The following INIP variants were observed in gnomAD, a reference collection of about 807,000 sequenced individuals.
The protein encoded by INIP is SOSS complex subunit C.
A neutral mutation model predicts 14.0 loss-of-function variants in INIP; 9 were observed. The observed-to-expected ratio is 0.64, with a 90% CI of 0.39 to 1.12. The LOEUF (loss-of-function observed/expected upper bound fraction) is 1.12, where lower values mean the gene tolerates loss of function less well. INIP is among the 50% of genes most tolerant of loss of function. The pLI is 0.01. For missense variants in INIP, 78 were observed against 122.7 expected, an observed-to-expected ratio of 0.64 and a Z score of 1.72; for synonymous variants, 37 against 41.5, an observed-to-expected ratio of 0.89 and a Z score of 0.41.
intron 1 of INIP, among the ~76,000 whole-genome samples, chr9:112,717,034 G>A (rs1488367216): frequency 2.0e-5 from 3 of 151,960 alleles, no homozygotes; most frequent in African/African-American, 7.3e-5. Flanking sequence ...TGTAAACTCT[G>A]CTAGTGCCTC....
chr9:112,690,795 T>A (rs750494451), intron 3 of INIP, among the ~76,000 whole-genome samples: 1 of 152,214 alleles, frequency 6.6e-6, no homozygotes, highest in African/African-American at 2.4e-5. Flanking sequence ...CTCTTACAAA[T>A]GGGACACACC....
chr9:112,704,040 T>C (rs1838380228), intron 2 of INIP, among the ~76,000 whole-genome samples: 1 of 152,226 alleles, frequency 6.6e-6, no homozygotes, highest in South Asian at 2.1e-4. Context: ...GTTAAGTATA[T>C]GTCTATTTAT....
intron 2 of INIP, among the ~76,000 whole-genome samples, chr9:112,695,776 A>AGGAGGG (rs1349267687): frequency 8.9e-6 from 1 of 112,394 alleles, no homozygotes; most frequent in African/African-American, 3.5e-5. Flanking sequence ...AAGGGAGAGG[A>AGGAGGG]GGAGGGGGAG....
intron 2 of INIP, among the ~76,000 whole-genome samples, chr9:112,695,838 A>G: frequency 8.7e-6 from 1 of 114,606 alleles, no homozygotes; most frequent in South Asian, 2.5e-4. Context: ...GAAGGAGAAG[A>G]AGGAGAAGAA....
intron 2 of INIP, among the ~76,000 whole-genome samples, chr9:112,706,973 G>T (rs556582423): frequency 6.6e-6 from 1 of 151,930 alleles, no homozygotes; most frequent in South Asian, 2.1e-4. Flanking sequence ...GTGCAATGGC[G>T]TGATCTCGGC....
chr9:112,697,321 C>T (rs923128648), intron 2 of INIP, among the ~76,000 whole-genome samples: 2 of 152,168 alleles, frequency 1.3e-5, no homozygotes, highest in Non-Finnish European at 2.9e-5. Context: ...CTAGCCTGGG[C>T]AACTTAAAAC....
rs769656192 is a variant in INIP at position 112,718,037 on chromosome 9, A to C, written c.-107T>G. The C allele has an allele frequency of 6.6e-5, 10 of 152,548 alleles. No homozygotes were observed. Among genetic ancestry groups the C allele is most frequent in the Non-Finnish European group, 1.0e-4 (7 of 68,042 alleles). 9.4% of individuals were successfully genotyped at this position (152,548 alleles called of 1,614,324 possible). ...CCTCTCCTTACAATCGCTGCTCTTA[A>C]AGGGGGCGCGACCACTTAGGCAAGA... On this transcript the variant is annotated 5_prime_UTR_variant, in exon 1 of 5. Coordinates refer to ENST00000374242, the MANE Select transcript of INIP (RefSeq NM_021218.3).
At position 112,687,647 on chromosome 9, in the gene INIP, A is replaced by G; in HGVS notation, c.220-14T>C. The G allele has an allele frequency of 6.8e-7, 1 of 1,476,564 alleles. No homozygotes were observed. The highest frequency in any genetic ancestry group is 1.3e-5 in the South Asian group (1 of 75,428). The allele number at this position is 1,476,564 out of a possible 1,614,324, so 91.5% of individuals were successfully genotyped here. ...TGCATGAGCATGCTGGGAAAGATTA[A>G]AAACAAAAAGGCAATTAAGCTATTA... On this transcript the variant is annotated splice_polypyrimidine_tract_variant and intron_variant, in intron 4 of 4. Coordinates refer to ENST00000374242, the MANE Select transcript of INIP (RefSeq NM_021218.3).
chr9:112,700,281 T>C (rs1838244786), intron 2 of INIP, among the ~76,000 whole-genome samples: 1 of 152,064 alleles, frequency 6.6e-6, no homozygotes, highest in Admixed American at 6.6e-5. Context: ...GTTGAAACTG[T>C]GAACTATCTC....
At chr9:112,715,133 T>TACACACACACACAC (rs58647648) in intron 2 of INIP, among the ~76,000 whole-genome samples, 7 of 133,514 alleles carry the variant, frequency 5.2e-5, no homozygotes, top group South Asian at 5.4e-4. Flanking sequence ...CATACATACA[T>TACACACACACACAC]ACACACACAC....
chr9:112,710,564 G>T (rs1237335616), intron 2 of INIP, among the ~76,000 whole-genome samples: 3 of 152,044 alleles, frequency 2.0e-5, no homozygotes, highest in Non-Finnish European at 4.4e-5. Context: ...CACTACATTG[G>T]ACAGTATGAA....
intron 3 of INIP, chr9:112,693,929 G>A (rs1588074923): frequency 2.8e-6 from 1 of 353,150 alleles, no homozygotes; most frequent in East Asian, 6.5e-5. Flanking sequence ...ACAAAAATTT[G>A]CTGGGTGTCG....
intron 4 of INIP, among the ~76,000 whole-genome samples, chr9:112,688,368 T>C (rs1157454795): frequency 6.6e-6 from 1 of 150,490 alleles, no homozygotes; most frequent in Non-Finnish European, 1.5e-5. Flanking sequence ...GAAAGAAGGG[T>C]AGTAGTTGGA....
chr9:112,691,438 A>C (rs1837880926), intron 3 of INIP, among the ~76,000 whole-genome samples: 1 of 152,200 alleles, frequency 6.6e-6, no homozygotes, highest in Non-Finnish European at 1.5e-5. Flanking sequence ...TGTGGACATC[A>C]AAGTAGAGAC....
At chr9:112,703,131 T>C (rs1838351951) in intron 2 of INIP, among the ~76,000 whole-genome samples, 1 of 152,166 alleles carries the variant, frequency 6.6e-6, no homozygotes, top group African/African-American at 2.4e-5. Flanking sequence ...GGCCAAGAAC[T>C]TTGCCAACTA....
At chr9:112,690,815 T>C (rs980028153) in intron 3 of INIP, among the ~76,000 whole-genome samples, 1 of 152,226 alleles carries the variant, frequency 6.6e-6, no homozygotes, top group African/African-American at 2.4e-5. Flanking sequence ...CATAGGAACC[T>C]TTCAGGCTTT....
chr9:112,709,288 G>A (rs779930390), intron 2 of INIP, among the ~76,000 whole-genome samples: 8 of 152,026 alleles, frequency 5.3e-5, no homozygotes, highest in Non-Finnish European at 1.0e-4. Context: ...AGATCAAGAA[G>A]AGGTCTTTTG....
Position 112,685,122 on chromosome 9 carries a change from C to T in INIP, c.*2416G>A, listed in dbSNP as rs561926117. 2 of 152,430 alleles carry T rather than the reference C, an allele frequency of 1.3e-5. No homozygotes were observed. The highest frequency in any genetic ancestry group is 3.9e-4 in the East Asian group (2 of 5,190). 9.4% of individuals were successfully genotyped at this position (152,430 alleles called of 1,614,324 possible). On this transcript the variant is annotated 3_prime_UTR_variant, in exon 5 of 5. Coordinates refer to ENST00000374242, the MANE Select transcript of INIP (RefSeq NM_021218.3). ...TGATTGATTTAGAGACAGGGTCTCA[C>T]TCTGTTGCCAAGTTGTGCAATCATG...
intron 2 of INIP, among the ~76,000 whole-genome samples, chr9:112,715,133 T>TACACACACACACACACAC (rs58647648): frequency 7.5e-6 from 1 of 133,514 alleles, no homozygotes; most frequent in African/African-American, 2.8e-5. Context: ...CATACATACA[T>TACACACACACACACACAC]ACACACACAC....
Sources: gnomAD v4.1 joint callset for allele counts (sites outside exome capture counted in the v4.1 genomes callset) on GRCh38, gnomAD v4.1.1 for gene constraint, MANE v1.5 for transcripts, NCBI Gene and HGNC (gene_info 2026-07-23, HGNC 2026-07-21) for gene names.